The following AJAP1 variants were observed in gnomAD, a reference collection of about 807,000 sequenced individuals.
AJAP1 encodes the protein adherens junctions associated protein 1.
In AJAP1, 5 loss-of-function variants were observed where a neutral mutation model predicts 35.0. That is an observed-to-expected ratio of 0.14 (90% CI 0.07 to 0.30). The LOEUF (loss-of-function observed/expected upper bound fraction) is 0.30. Ranked by LOEUF, AJAP1 falls within the 10% of genes least tolerant of loss-of-function variation. AJAP1 has a pLI of 1.00. For synonymous variants in AJAP1, 284 were observed against 249.3 expected (o/e 1.14, Z -1.31); for missense variants, 586 against 571.0 (o/e 1.03, Z -0.27).
At chr1:4,732,115 G>A (rs1472645806) in intron 2 of AJAP1, among the ~76,000 whole-genome samples, 1 of 152,234 alleles carries the variant, frequency 6.6e-6, no homozygotes, top group Non-Finnish European at 1.5e-5. Context: ...ATTTCCTTAG[G>A]TCTCTGAATG....
At chr1:4,774,284 TC>T in intron 4 of AJAP1, 142 bp from the exon 5 acceptor site, 1 of 699,560 alleles carries the variant, frequency 1.4e-6, no homozygotes, top group Non-Finnish European at 2.5e-6. Flanking sequence ...TGGGGGGTGG[TC>T]CCTTCCTGGC....
Position 4,674,324 on chromosome 1 carries a change from G to A in AJAP1, c.29+18870G>A, listed in dbSNP as rs181664257. ...AGTTTTATTGGCATCACAGCCCACGGCTGCCTGACTTTGTAAACAAAGTTT... is the reference window on the plus strand; with the variant it reads ...AGTTTTATTGGCATCACAGCCCACGACTGCCTGACTTTGTAAACAAAGTTT... On this transcript the variant is annotated intron_variant, in intron 1 of 5. Coordinates refer to ENST00000378191, the MANE Select transcript of AJAP1 (RefSeq NM_018836.4). Among the ~76,000 whole-genome samples, 7 of 152,290 alleles carry A rather than the reference G, an allele frequency of 4.6e-5. No homozygotes were observed. In the East Asian group the frequency reaches 9.7e-4, roughly 21 times the overall value.
intron 1 of AJAP1, among the ~76,000 whole-genome samples, chr1:4,670,207 C>G (rs978512472): frequency 3.3e-5 from 5 of 152,156 alleles, no homozygotes; most frequent in African/African-American, 1.2e-4. Context: ...GCACCTTGTT[C>G]ACAGCGCTGG....
intron 2 of AJAP1, among the ~76,000 whole-genome samples, chr1:4,725,211 C>T (rs1483361224): frequency 6.6e-6 from 1 of 152,182 alleles, no homozygotes; most frequent in African/African-American, 2.4e-5. Flanking sequence ...GGACCTCCAG[C>T]CCCCAACAGG....
At chr1:4,698,870 C>T (rs1292158935) in intron 1 of AJAP1, among the ~76,000 whole-genome samples, 1 of 152,172 alleles carries the variant, frequency 6.6e-6, no homozygotes, top group Non-Finnish European at 1.5e-5. Flanking sequence ...GAATGGAAGC[C>T]CTTGGCTGCA....
At chr1:4,778,271 C>T (rs182425078) in intron 5 of AJAP1, among the ~76,000 whole-genome samples, 12 of 152,336 alleles carry the variant, frequency 7.9e-5, no homozygotes, top group Admixed American at 2.0e-4. Context: ...CCTTCAGCCA[C>T]GTTATTTTCC....
intron 2 of AJAP1, among the ~76,000 whole-genome samples, chr1:4,756,500 T>C (rs893900637): frequency 3.3e-5 from 5 of 152,128 alleles, no homozygotes; most frequent in Admixed American, 1.3e-4. Context: ...AAGCTCTTTC[T>C]CTCCAACTCA....
chr1:4,717,814 A>G (rs1164049761), intron 2 of AJAP1, among the ~76,000 whole-genome samples: 1 of 152,200 alleles, frequency 6.6e-6, no homozygotes, highest in Non-Finnish European at 1.5e-5. Context: ...TGAGAAGCAG[A>G]TGTCACAGGG....
At chr1:4,696,761 T>A (rs1639870590) in intron 1 of AJAP1, among the ~76,000 whole-genome samples, 1 of 152,174 alleles carries the variant, frequency 6.6e-6, no homozygotes, top group South Asian at 2.1e-4. Flanking sequence ...TGCATATGAC[T>A]GTGTGTGCAT....
rs1455494049 is a variant in AJAP1 at position 4,734,497 on chromosome 1, G to T, written c.829+21798G>T. ...CAAACCTAGGTTCCAGGGATGGTGT[G>T]TTGACAGCCTGCACTCATCTGACTG... is the stretch of plus-strand genomic sequence containing the variant. On this transcript the variant is annotated intron_variant, in intron 2 of 5. Transcript: ENST00000378191. This position sits in a 1 kb window ranked among gnomAD's most constrained non-coding sequence, Gnocchi z 4.3. 1.3e-5 allele frequency among the ~76,000 whole-genome samples: 2 copies of T among 152,160 alleles called. No individual in the cohort carries two copies. Among genetic ancestry groups the T allele is most frequent in the African/African-American group, 4.8e-5 (2 of 41,434 alleles).
chr1:4,668,704 CTG>C (rs1475575735), intron 1 of AJAP1, among the ~76,000 whole-genome samples: 1 of 152,196 alleles, frequency 6.6e-6, no homozygotes, highest in Non-Finnish European at 1.5e-5. Context: ...TCATCCATCT[CTG>C]TTTCCGCAGG....
At chr1:4,765,188 G>A (rs1641653003) in intron 2 of AJAP1, among the ~76,000 whole-genome samples, 1 of 152,214 alleles carries the variant, frequency 6.6e-6, no homozygotes. Flanking sequence ...TGAGCTCTGG[G>A]ACCAGGTCTG....
chr1:4,774,181 C>T (rs1317945276), intron 4 of AJAP1, among the ~76,000 whole-genome samples: 1 of 152,228 alleles, frequency 6.6e-6, no homozygotes, highest in African/African-American at 2.4e-5. Context: ...CAGCAAAGTG[C>T]TCGTGTGCCC....
At chr1:4,754,949 C>T (rs3766971) in intron 2 of AJAP1, among the ~76,000 whole-genome samples, 12,513 of 152,260 alleles carry the variant, frequency 0.082, 558 homozygotes, top group Middle Eastern at 0.12. Flanking sequence ...CCCCAGTGGG[C>T]AAGATGCAGG....
intron 5 of AJAP1, chr1:4,777,600 A>C (rs956197181): frequency 2.0e-5 from 3 of 152,262 alleles, no homozygotes; most frequent in South Asian, 4.1e-4. Context: ...CTAATTCGCG[A>C]TCATCTTTCA....
At chr1:4,682,754 GTGA>G (rs1345145811) in intron 1 of AJAP1, among the ~76,000 whole-genome samples, 1 of 152,172 alleles carries the variant, frequency 6.6e-6, no homozygotes, top group East Asian at 1.9e-4. Flanking sequence ...GTTGGTGGTG[GTGA>G]TGATGGTGAT....
At position 4,722,082 on chromosome 1, in the gene AJAP1, T is replaced by C. The variant is rs1233194692; in HGVS notation, c.829+9383T>C. 3.3e-5 allele frequency among the ~76,000 whole-genome samples: 5 copies of C among 152,308 alleles called. No individual in the cohort carries two copies. In the East Asian group the frequency reaches 5.8e-4, roughly 18 times the overall value. ...CACCAGCTGGGACAGTTGCATCACA[T>C]TGAGGGCAGGTGACTTTCCAAAATG... On this transcript the variant is annotated intron_variant, in intron 2 of 5. Transcript: ENST00000378191.
rs1557655254 is a variant in AJAP1, at chr1:4,786,231, CAG to C, written c.*3748_*3749del. Reference sequence around the variant, plus strand: ...TCCTATTTACTGCCCTCCTTGCACACAGAAGGGAGAGGCCACTTAGGGGACCT... The same window carrying C: ...TCCTATTTACTGCCCTCCTTGCACACAAGGGAGAGGCCACTTAGGGGACCT... On this transcript the variant is annotated 3_prime_UTR_variant, in exon 6 of 6. Transcript: ENST00000378191. The C allele has an allele frequency of 1.3e-5, 2 of 152,168 alleles. No individual in the cohort carries two copies. Among genetic ancestry groups the C allele is most frequent in the Non-Finnish European group, 2.9e-5 (2 of 68,052 alleles). The allele number at this position is 152,168 out of a possible 1,614,324, so 9.4% of individuals were successfully genotyped here.
intron 1 of AJAP1, among the ~76,000 whole-genome samples, chr1:4,706,479 G>A (rs1339289248): frequency 6.6e-6 from 1 of 152,192 alleles, no homozygotes; most frequent in Non-Finnish European, 1.5e-5. Flanking sequence ...GCCAGTAAAC[G>A]ACAGGACCTG....
Sources: gnomAD v4.1 joint callset for allele counts (sites outside exome capture counted in the v4.1 genomes callset) on GRCh38, gnomAD v4.1.1 for gene constraint, Gnocchi (gnomAD v3.1) non-coding constraint, MANE v1.5 for transcripts, NCBI Gene and HGNC (gene_info 2026-07-23, HGNC 2026-07-21) for gene names.